NAALADL2: variants seen among roughly 807,000 people sequenced by gnomAD.
NAALADL2 encodes inactive N-acetylated-alpha-linked acidic dipeptidase-like protein 2.
Under a neutral mutation model 87.2 loss-of-function variants are expected in NAALADL2, and 76 were observed. The observed-to-expected ratio is 0.87, with a 90% CI of 0.72 to 1.05. The LOEUF (loss-of-function observed/expected upper bound fraction) is 1.05, where lower values mean the gene tolerates loss of function less well. Among genes scored for constraint, NAALADL2 ranks in the 50% least tolerant of loss-of-function variants. NAALADL2 has a pLI of 0.00. For missense variants in NAALADL2, 1,089 were observed against 945.8 expected, an observed-to-expected ratio of 1.15 and a Z score of -1.99; for synonymous variants, 354 against 331.0, an observed-to-expected ratio of 1.07 and a Z score of -0.75.
At chr3:175,202,189 A>C (rs1740146940) in intron 2 of NAALADL2, among the ~76,000 whole-genome samples, 1 of 151,972 alleles carries the variant, frequency 6.6e-6, no homozygotes, top group African/African-American at 2.4e-5. Flanking sequence ...CCTCCTTGGG[A>C]AGTTGAATTT....
rs753411741 is a variant in NAALADL2 at position 175,718,738 on chromosome 3, C to CAACATA, written c.1897-18567_1897-18562dup. On this transcript the variant is annotated intron_variant, in intron 11 of 13. Transcript: ENST00000454872. ...GCGTGGAGATCAAGACCAACCTGGG[C>CAACATA]AACATAGCAAGACTCTGTCTCTACA... is the stretch of plus-strand genomic sequence containing the variant. 345 of 1,131,158 alleles carry CAACATA rather than the reference C, an allele frequency of 3.0e-4. 3 individuals are homozygous for CAACATA. The highest frequency in any genetic ancestry group is 1.8e-4 in the Admixed American group (9 of 49,342). The allele number at this position is 1,131,158 out of a possible 1,614,324, so 70.1% of individuals were successfully genotyped here.
At chr3:175,077,838 A>C (rs1466861363) in intron 1 of NAALADL2, among the ~76,000 whole-genome samples, 1 of 152,070 alleles carries the variant, frequency 6.6e-6, no homozygotes, top group East Asian at 1.9e-4. Context: ...AAGAAGAAGG[A>C]ATCTTTACCA....
At chr3:174,977,596 A>G (rs1744533535) in intron 1 of NAALADL2, among the ~76,000 whole-genome samples, 1 of 152,164 alleles carries the variant, frequency 6.6e-6, no homozygotes, top group African/African-American at 2.4e-5. Context: ...TTCTTTTAAG[A>G]TGATGTCTTT....
At chr3:175,314,688 A>ATATATAGTTCTAAC (rs1758862314) in intron 4 of NAALADL2, among the ~76,000 whole-genome samples, 1 of 39,610 alleles carries the variant, frequency 2.5e-5, no homozygotes, top group Non-Finnish European at 4.4e-5. Context: ...ATATATATAT[A>ATATATAGTTCTAAC]TATATATATA....
intron 11 of NAALADL2, among the ~76,000 whole-genome samples, chr3:175,734,912 A>G (rs1218399000): frequency 1.3e-5 from 2 of 152,200 alleles, no homozygotes; most frequent in Admixed American, 1.3e-4. Flanking sequence ...CTCCTTTTTT[A>G]CTTAGGCAAA....
At chr3:175,717,803 A>ATTTTTTT (rs10575051) in intron 11 of NAALADL2, among the ~76,000 whole-genome samples, 4 of 117,904 alleles carry the variant, frequency 3.4e-5, no homozygotes, top group South Asian at 2.6e-4. Context: ...AAGAGAGCAG[A>ATTTTTTT]TTTTTTTTTT....
intron 3 of NAALADL2, among the ~76,000 whole-genome samples, chr3:174,853,201 CAAA>C (rs34303846): frequency 3.9e-4 from 18 of 45,626 alleles, no homozygotes; most frequent in Non-Finnish European, 5.0e-4. Flanking sequence ...CCGTCTCTAC[CAAA>C]AAAAAAAAAA....
chr3:174,850,307 T>C (rs772747446), intron 3 of NAALADL2, among the ~76,000 whole-genome samples: 22 of 152,140 alleles, frequency 1.4e-4, no homozygotes, highest in Admixed American at 2.6e-4. Flanking sequence ...TTGCCTCTTT[T>C]GCTGCTTTTA....
intron 13 of NAALADL2, among the ~76,000 whole-genome samples, chr3:175,756,988 T>TA (rs1747345549): frequency 6.6e-6 from 1 of 151,302 alleles, no homozygotes; most frequent in Non-Finnish European, 1.5e-5. Flanking sequence ...TATATTTGTG[T>TA]ATATATATTT....
At chr3:175,102,663 T>C (rs1345656093) in intron 2 of NAALADL2, among the ~76,000 whole-genome samples, 1 of 151,788 alleles carries the variant, frequency 6.6e-6, no homozygotes, top group African/African-American at 2.4e-5. Context: ...TATCTATTTT[T>C]AAGTGTTTGC....
intron 11 of NAALADL2, among the ~76,000 whole-genome samples, chr3:175,701,183 G>A (rs548972513): frequency 4.3e-4 from 65 of 152,258 alleles, no homozygotes; most frequent in African/African-American, 1.6e-3. Context: ...GAGGCTGTAG[G>A]GTTGGGGAAG....
At chr3:174,480,744 A>G (rs140538196) in intron 1 of NAALADL2, among the ~76,000 whole-genome samples, 3 of 152,284 alleles carry the variant, frequency 2.0e-5, no homozygotes, top group African/African-American at 7.2e-5. Flanking sequence ...AGGAGCAAAC[A>G]GAATTTTTAT....
chr3:175,245,742 G>C (rs2109688415), intron 3 of NAALADL2, among the ~76,000 whole-genome samples: 1 of 152,296 alleles, frequency 6.6e-6, no homozygotes, highest in South Asian at 2.1e-4. Flanking sequence ...CAGCAAAATT[G>C]ATTGTATATC....
intron 2 of NAALADL2, among the ~76,000 whole-genome samples, chr3:174,688,611 C>T (rs1728267734): frequency 6.6e-6 from 1 of 151,854 alleles, no homozygotes; most frequent in African/African-American, 2.4e-5. Flanking sequence ...TGAGAAATTG[C>T]AATAAATATT....
chr3:174,943,557 A>G (rs566931110), intron 1 of NAALADL2, among the ~76,000 whole-genome samples: 1 of 152,264 alleles, frequency 6.6e-6, no homozygotes, highest in Admixed American at 6.5e-5. Context: ...TTCCTTCCCC[A>G]ACTTTGTGGC....
At chr3:175,264,787 G>T (rs760365430) in intron 4 of NAALADL2, among the ~76,000 whole-genome samples, 100 of 151,470 alleles carry the variant, frequency 6.6e-4, no homozygotes, top group African/African-American at 2.0e-3. Flanking sequence ...TTAAGGTGAT[G>T]AAATTATATA....
At chr3:174,623,657 A>AT (rs977352074) in intron 2 of NAALADL2, among the ~76,000 whole-genome samples, 7 of 151,720 alleles carry the variant, frequency 4.6e-5, no homozygotes, top group African/African-American at 9.7e-5. Context: ...TTTATTAAAA[A>AT]AAAGTGTGTA....
At chr3:175,446,822 A>G (rs369408807) in intron 5 of NAALADL2, among the ~76,000 whole-genome samples, 1 of 152,136 alleles carries the variant, frequency 6.6e-6, no homozygotes, top group Non-Finnish European at 1.5e-5. Flanking sequence ...CTTCCCTACT[A>G]AGAACTTAGG....
chr3:175,692,484 T>C (rs574441949), intron 11 of NAALADL2, among the ~76,000 whole-genome samples: 1 of 152,284 alleles, frequency 6.6e-6, no homozygotes, highest in South Asian at 2.1e-4. Context: ...TTACACTTAT[T>C]TTTAGCCACA....
Sources: allele counts gnomAD v4.1 joint callset (sites outside exome capture counted in the v4.1 genomes callset), GRCh38; gene constraint gnomAD v4.1.1; transcripts MANE v1.5; gene names NCBI Gene and HGNC (gene_info 2026-07-23, HGNC 2026-07-21).